The following TOP6BL variants were observed in gnomAD, a reference collection of about 807,000 sequenced individuals.
TOP6BL encodes type 2 DNA topoisomerase 6 subunit B-like.
At chr11:66,749,000 T>C in the TOP6BL span, among the ~76,000 whole-genome samples, 1 of 152,118 alleles carries the variant, frequency 6.6e-6, no homozygotes, top group African/African-American at 2.4e-5. Flanking sequence ...CCTGATGCAG[T>C]GAGTGGCTCT....
chr11:66,838,529 T>C, the TOP6BL span: 4 of 1,269,478 alleles, frequency 3.2e-6, no homozygotes, highest in Admixed American at 2.0e-5. Flanking sequence ...ACTATTCCAC[T>C]GTACCTTCTA....
chr11:66,842,896 C>CG, the TOP6BL span: 1 of 1,574,636 alleles, frequency 6.4e-7, no homozygotes, highest in African/African-American at 1.4e-5. Context: ...GGGCAGCCCC[C>CG]GCATAGAGGA....
At chr11:66,761,318 C>T in the TOP6BL span, among the ~76,000 whole-genome samples, 1 of 151,740 alleles carries the variant, frequency 6.6e-6, no homozygotes, top group Non-Finnish European at 1.5e-5. Context: ...TTGCAGTGAG[C>T]CGAGATTGCG....
At chr11:66,837,778 T>C in the TOP6BL span, among the ~76,000 whole-genome samples, 5 of 152,302 alleles carry the variant, frequency 3.3e-5, no homozygotes, top group East Asian at 9.6e-4. Flanking sequence ...AAGATACCTA[T>C]TTTTATACAT....
At chr11:66,814,913 G>A in the TOP6BL span, among the ~76,000 whole-genome samples, 1 of 152,206 alleles carries the variant, frequency 6.6e-6, no homozygotes, top group African/African-American at 2.4e-5. Flanking sequence ...TAATAACTGA[G>A]CTAATAAAAC....
At chr11:66,807,014 AT>A in the TOP6BL span, among the ~76,000 whole-genome samples, 1 of 152,168 alleles carries the variant, frequency 6.6e-6, no homozygotes, top group Non-Finnish European at 1.5e-5. Flanking sequence ...AGACAGACAA[AT>A]TTTTTGTCCT....
the TOP6BL span, among the ~76,000 whole-genome samples, chr11:66,747,847 T>C: frequency 2.9e-3 from 426 of 145,716 alleles, 1 homozygote; most frequent in African/African-American, 0.01. Flanking sequence ...CTCAAACTGT[T>C]GAGCTCAAGT....
the TOP6BL span, chr11:66,800,767 T>C: frequency 7.5e-7 from 1 of 1,340,082 alleles, no homozygotes; most frequent in Non-Finnish European, 1.0e-6. Flanking sequence ...TATTGTCCTA[T>C]TTCCAAAAGG....
At chr11:66,756,479 C>A in the TOP6BL span, 1 of 1,063,304 alleles carries the variant, frequency 9.4e-7, no homozygotes, top group Non-Finnish European at 1.2e-6. Context: ...ATTACAGATG[C>A]CCACCACCAT....
the TOP6BL span, among the ~76,000 whole-genome samples, chr11:66,751,714 A>G: frequency 1.3e-5 from 2 of 151,994 alleles, no homozygotes; most frequent in African/African-American, 4.8e-5. Flanking sequence ...GCTCTCTTTA[A>G]TATCTTCACC....
chr11:66,841,977 C>G, the TOP6BL span, among the ~76,000 whole-genome samples: 22 of 152,086 alleles, frequency 1.4e-4, no homozygotes, highest in African/African-American at 5.3e-4. Flanking sequence ...CTTTGGGGAG[C>G]TGGGGCGGGA....
the TOP6BL span, among the ~76,000 whole-genome samples, chr11:66,765,545 C>T: frequency 1.3e-5 from 2 of 152,168 alleles, no homozygotes; most frequent in African/African-American, 4.8e-5. Flanking sequence ...GATGGAGTCT[C>T]ACTCTTGTCA....
chr11:66,766,514 A>G, the TOP6BL span, among the ~76,000 whole-genome samples: 1 of 152,216 alleles, frequency 6.6e-6, no homozygotes, highest in Non-Finnish European at 1.5e-5. Flanking sequence ...GCCACAAAGA[A>G]GTCACAGGAA....
At chr11:66,808,259 G>GT in the TOP6BL span, among the ~76,000 whole-genome samples, 2 of 152,218 alleles carry the variant, frequency 1.3e-5, no homozygotes, top group Non-Finnish European at 2.9e-5. Flanking sequence ...GCTTAGCTGG[G>GT]TGTGGTGGTT....
At chr11:66,784,179 T>C in the TOP6BL span, among the ~76,000 whole-genome samples, 48 of 151,994 alleles carry the variant, frequency 3.2e-4, no homozygotes, top group Non-Finnish European at 5.7e-4. Flanking sequence ...TACAGGCGCC[T>C]GCCACCAAGC....
the TOP6BL span, among the ~76,000 whole-genome samples, chr11:66,805,473 T>G: frequency 2.4e-4 from 36 of 152,116 alleles, no homozygotes; most frequent in African/African-American, 8.4e-4. Flanking sequence ...TTTTGTTTTT[T>G]TTTTTGGAGA....
chr11:66,753,137 A>AT, the TOP6BL span, among the ~76,000 whole-genome samples: 14 of 151,672 alleles, frequency 9.2e-5, no homozygotes, highest in South Asian at 2.1e-4. Flanking sequence ...TCCAAAAAAA[A>AT]ATATATATAT....
the TOP6BL span, among the ~76,000 whole-genome samples, chr11:66,799,718 CAAA>C: frequency 3.7e-5 from 5 of 136,594 alleles, no homozygotes; most frequent in East Asian, 1.1e-3. Context: ...AACTCCGTCT[CAAA>C]AAAAAAAAAA....
the TOP6BL span, among the ~76,000 whole-genome samples, chr11:66,751,267 T>C: frequency 6.6e-6 from 1 of 152,188 alleles, no homozygotes; most frequent in Non-Finnish European, 1.5e-5. Context: ...GGATCTCGGC[T>C]GGCTGCAACC....
Sources: gnomAD v4.1 joint callset for allele counts (sites outside exome capture counted in the v4.1 genomes callset) on GRCh38, gnomAD v4.1.1 for gene constraint, MANE v1.5 for transcripts, NCBI Gene and HGNC (gene_info 2026-07-23, HGNC 2026-07-21) for gene names.